Variants in IQSEC2 observed in about 807,000 individuals in gnomAD.
The protein encoded by IQSEC2 is IQ motif and Sec7 domain ArfGEF 2.
In IQSEC2, 6 loss-of-function variants were observed where a neutral mutation model predicts 74.6. That is an observed-to-expected ratio of 0.08 (90% CI 0.04 to 0.16). The LOEUF (loss-of-function observed/expected upper bound fraction) is 0.16, where lower values mean the gene tolerates loss of function less well. Among genes scored for constraint, IQSEC2 ranks in the 10% least tolerant of loss-of-function variants. The pLI is 1.00. For synonymous variants in IQSEC2, 494 were observed against 544.5 expected (o/e 0.91, Z 1.29); for missense variants, 734 against 1,306.2 (o/e 0.56, Z 6.75).
At chrX:53,237,299 C>A (rs782225675) in intron 12 of IQSEC2, 1 of 111,792 alleles carries the variant, frequency 8.9e-6, no homozygotes, top group Non-Finnish European at 1.9e-5. Flanking sequence ...GGCCTCCCCT[C>A]GTCTTGGGCT....
chrX:53,261,497 C>CAT (rs2074568109), intron 2 of IQSEC2, among the ~76,000 whole-genome samples: 2 of 110,377 alleles, frequency 1.8e-5, no homozygotes, highest in South Asian at 7.6e-4. Flanking sequence ...CATGTGCACA[C>CAT]ACACACACAC....
intron 1 of IQSEC2, among the ~76,000 whole-genome samples, chrX:53,307,035 C>T (rs1388989265): frequency 9.0e-6 from 1 of 110,611 alleles, no homozygotes; most frequent in African/African-American, 3.3e-5. Flanking sequence ...GGCCGCCTGG[C>T]ATTCACCCGT....
At chrX:53,289,495 C>T (rs1230572228) in intron 2 of IQSEC2, among the ~76,000 whole-genome samples, 1 of 111,525 alleles carries the variant, frequency 9.0e-6, no homozygotes, top group African/African-American at 3.3e-5. Flanking sequence ...CAAGCTGATC[C>T]CACCTCCGGG....
intron 2 of IQSEC2, among the ~76,000 whole-genome samples, chrX:53,263,760 C>T (rs1170558886): frequency 9.0e-6 from 1 of 111,497 alleles, no homozygotes; most frequent in Middle Eastern, 4.2e-3. Context: ...TCAGTGACTC[C>T]CTCCCCTGTG....
rs1385475665 is a variant in IQSEC2, at chrX:53,249,148, G to C, written c.2298-266C>G. ...CCTTCACTGGAGCCACATCACAATTGAAAGAAAATCAGTATCTAATGAGAG... is the reference window on the plus strand; with the variant it reads ...CCTTCACTGGAGCCACATCACAATTCAAAGAAAATCAGTATCTAATGAGAG... On this transcript the variant is annotated intron_variant, in intron 5 of 14. Coordinates refer to ENST00000642864, the MANE Select transcript of IQSEC2 (RefSeq NM_001111125.3). Among the ~76,000 whole-genome samples, 8 of 111,298 alleles carry C rather than the reference G, an allele frequency of 7.2e-5. No homozygotes were observed. The Admixed American group carries it at 7.6e-4, about 11-fold the overall frequency.
chrX:53,317,991 A>G (rs1556879493), intron 1 of IQSEC2, among the ~76,000 whole-genome samples: 1 of 111,830 alleles, frequency 8.9e-6, no homozygotes, highest in African/African-American at 3.3e-5. Flanking sequence ...TAGAGACCTA[A>G]GGCTCTCCTG....
rs1428748122 is a variant in IQSEC2, at chrX:53,235,251, C to T, written c.3502-67G>A. On this transcript the variant is annotated intron_variant, in intron 14 of 14. Coordinates refer to ENST00000642864, the MANE Select transcript of IQSEC2 (RefSeq NM_001111125.3). ...CTAAACCCCCAGCCCTAAATTCCAC[C>T]CCTGTCCCTGAGGGCTGGAGCTGGG... 6 of 1,145,093 alleles carry T rather than the reference C, an allele frequency of 5.2e-6. No homozygotes were observed. In the Admixed American group the frequency reaches 1.6e-4, roughly 30 times the overall value. 94.4% of individuals were successfully genotyped at this position (1,145,093 alleles called of 1,213,427 possible).
At position 53,234,239 on chromosome X, in the gene IQSEC2, G is replaced by C; in HGVS notation, c.4447C>G (p.Arg1483Gly). 9.2e-7 allele frequency: 1 copy of C among 1,085,620 alleles called. No individual in the cohort carries two copies. The highest frequency in any genetic ancestry group is 1.2e-6 in the Non-Finnish European group (1 of 827,050). 89.5% of individuals were successfully genotyped at this position (1,085,620 alleles called of 1,213,427 possible). The change falls in exon 15 of 15, where the codon CGG becomes GGG. Residue 1483 changes from arginine (R) to glycine (G), a missense_variant. By Grantham distance (125) the Arg-to-Gly change is moderately radical. Coordinates refer to ENST00000642864, the MANE Select transcript of IQSEC2 (RefSeq NM_001111125.3). ...PSANPKAKPS[R>G]ISTVV ...ATTCATCAGACCACGGTGCTGATCC[G>C]GCTTGGCTTGGCCTTGGGGTTTGCA...
At chrX:53,242,821 C>T (rs1022902525) in intron 9 of IQSEC2, among the ~76,000 whole-genome samples, 3 of 111,694 alleles carry the variant, frequency 2.7e-5, no homozygotes, top group East Asian at 2.8e-4. Flanking sequence ...CTGCAACCTC[C>T]GCCTCCCGGG....
chrX:53,264,509 C>T (rs782700654), intron 2 of IQSEC2, among the ~76,000 whole-genome samples: 2 of 102,595 alleles, frequency 1.9e-5, no homozygotes, highest in Admixed American at 2.1e-4. Context: ...ATGGTCTCCT[C>T]GTCCCCAGCC....
chrX:53,254,421 A>G lies in IQSEC2; in HGVS notation c.1401+109T>C, dbSNP rs189096180. 50 of 703,453 alleles carry G rather than the reference A, an allele frequency of 7.1e-5. 1 individual carries two copies. In the Middle Eastern group the frequency reaches 1.1e-3, roughly 16 times the overall value. The allele number at this position is 703,453 out of a possible 1,213,427, so 58.0% of individuals were successfully genotyped here. A position where few individuals can be genotyped will look rare whatever the true frequency, so the allele number is the denominator to read the frequency against. On this transcript the variant is annotated intron_variant, in intron 4 of 14. Coordinates refer to ENST00000642864, the MANE Select transcript of IQSEC2 (RefSeq NM_001111125.3). Reference sequence around the variant, plus strand: ...ACTCAAATGGTAGCTATTTGCTGTTATTAAATGCCTGTCACGCAACTTCTT... The same window carrying G: ...ACTCAAATGGTAGCTATTTGCTGTTGTTAAATGCCTGTCACGCAACTTCTT...
At chrX:53,253,997 C>T (rs1277866701) in intron 4 of IQSEC2, among the ~76,000 whole-genome samples, 2 of 111,793 alleles carry the variant, frequency 1.8e-5, no homozygotes, top group African/African-American at 6.5e-5. Context: ...AAGAAGGGAA[C>T]GACATGGAAC....
At chrX:53,313,571 T>C (rs1602375066) in intron 1 of IQSEC2, among the ~76,000 whole-genome samples, 1 of 112,117 alleles carries the variant, frequency 8.9e-6, no homozygotes, top group African/African-American at 3.3e-5. Context: ...AGTCACTTAC[T>C]AAGCATTCTT....
chrX:53,253,764 T>G (rs1451112644), intron 4 of IQSEC2, among the ~76,000 whole-genome samples: 1 of 111,494 alleles, frequency 9.0e-6, no homozygotes, highest in African/African-American at 3.3e-5. Context: ...CTGGGATCCT[T>G]GAGGACAAGG....
rs187186062 is a variant in IQSEC2 at position 53,251,185 on chromosome X, G to A, written c.1402-11C>T. The A allele has an allele frequency of 5.8e-6, 7 of 1,203,539 alleles. No homozygotes were observed. Among genetic ancestry groups the A allele is most frequent in the Middle Eastern group, 2.3e-4 (1 of 4,362 alleles). On this transcript the variant is annotated splice_polypyrimidine_tract_variant and intron_variant, in intron 4 of 14. Coordinates refer to ENST00000642864, the MANE Select transcript of IQSEC2 (RefSeq NM_001111125.3). ...AGCCAGAGACTTTACCTGTGCAAGG[G>A]GGGGAGGAGAGGAGGGAAAGGGAGA...
At position 53,241,981 on chromosome X, in the gene IQSEC2, T is replaced by G. The variant is rs782011493; in HGVS notation, c.2890-72A>C. 9.6e-5 allele frequency: 110 copies of G among 1,140,734 alleles called. No individual in the cohort carries two copies. In the South Asian group the frequency reaches 1.9e-3, roughly 19 times the overall value. The allele number at this position is 1,140,734 out of a possible 1,213,427, so 94.0% of individuals were successfully genotyped here. ...CTTCAGGCCTCCTGGCACCTTAACT[T>G]TCAACCGCAAGAAGTTTACCACTCA... On this transcript the variant is annotated intron_variant, in intron 9 of 14. Transcript: ENST00000642864.
At chrX:53,261,415 AT>A (rs2074565892) in intron 2 of IQSEC2, among the ~76,000 whole-genome samples, 1 of 109,626 alleles carries the variant, frequency 9.1e-6, no homozygotes, top group Admixed American at 9.8e-5. Flanking sequence ...CCCTCTTTGG[AT>A]TCCTGGACTT....
chrX:53,242,791 G>A (rs1463186410), intron 9 of IQSEC2, among the ~76,000 whole-genome samples: 7 of 110,676 alleles, frequency 6.3e-5, no homozygotes, highest in Non-Finnish European at 9.5e-5. Context: ...GCTGGAGTGC[G>A]TTGGCACGAT....
intron 2 of IQSEC2, chrX:53,279,260 T>C (rs868945350): frequency 5.6e-5 from 15 of 267,808 alleles, no homozygotes; most frequent in African/African-American, 3.3e-4. Flanking sequence ...CCTCAGTCTA[T>C]CCAACTGGCA....
Sources: allele counts gnomAD v4.1 joint callset (sites outside exome capture counted in the v4.1 genomes callset), GRCh38; gene constraint gnomAD v4.1.1; transcripts MANE v1.5; gene names NCBI Gene and HGNC (gene_info 2026-07-23, HGNC 2026-07-21).